Variants in ATRNL1 observed in about 807,000 individuals in gnomAD.
ATRNL1 encodes the protein attractin like 1.
Under a neutral mutation model 182.7 loss-of-function variants are expected in ATRNL1, and 95 were observed. The observed-to-expected ratio is 0.52, with a 90% CI of 0.44 to 0.62. The LOEUF is 0.62. Ranked by LOEUF, ATRNL1 falls within the 20% of genes least tolerant of loss-of-function variation. The probability of loss-of-function intolerance (pLI) is 0.00; values close to 1 mark genes in which losing one functional copy is unlikely to be tolerated. For synonymous variants in ATRNL1, 576 were observed against 568.3 expected, an observed-to-expected ratio of 1.01 and a Z score of -0.19; for missense variants, 1,471 against 1,679.5, an observed-to-expected ratio of 0.88 and a Z score of 2.17.
At chr10:115,232,372 A>G (rs183901543) in intron 9 of ATRNL1, among the ~76,000 whole-genome samples, 7 of 152,086 alleles carry the variant, frequency 4.6e-5, no homozygotes, top group Admixed American at 2.0e-4. Context: ...ACATCTTTTC[A>G]TATTTATTGG....
chr10:115,835,004 C>T (rs1319535206), intron 27 of ATRNL1, among the ~76,000 whole-genome samples: 1 of 152,148 alleles, frequency 6.6e-6, no homozygotes, highest in Non-Finnish European at 1.5e-5. Context: ...TTTTAGTTCA[C>T]CTTCCACTTC....
At chr10:115,565,644 A>G (rs745605798) in intron 26 of ATRNL1, among the ~76,000 whole-genome samples, 6 of 152,112 alleles carry the variant, frequency 3.9e-5, no homozygotes, top group Non-Finnish European at 8.8e-5. Context: ...CACACTCATC[A>G]ACTACTAATA....
At chr10:115,938,706 T>G (rs1349383967) in intron 28 of ATRNL1, among the ~76,000 whole-genome samples, 1 of 152,098 alleles carries the variant, frequency 6.6e-6, no homozygotes, top group Non-Finnish European at 1.5e-5. Flanking sequence ...TTGCAACACA[T>G]GAATGGAACT....
At chr10:115,532,861 A>G (rs546670721) in intron 25 of ATRNL1, among the ~76,000 whole-genome samples, 2 of 152,230 alleles carry the variant, frequency 1.3e-5, no homozygotes, top group South Asian at 2.1e-4. Flanking sequence ...TTCTGCATCT[A>G]TTGATATAAT....
chr10:115,108,445 A>T (rs1844117358), intron 1 of ATRNL1, among the ~76,000 whole-genome samples: 3 of 152,176 alleles, frequency 2.0e-5, no homozygotes, highest in Admixed American at 2.0e-4. Context: ...ATCGGAAAGG[A>T]CTGGCTGGTG....
chr10:115,613,212 C>T (rs1857254152), intron 26 of ATRNL1, among the ~76,000 whole-genome samples: 1 of 152,188 alleles, frequency 6.6e-6, no homozygotes. Context: ...AGGAGTCTTG[C>T]TGTTGCAGAT....
intron 10 of ATRNL1, among the ~76,000 whole-genome samples, chr10:115,246,999 A>T (rs113838526): frequency 1.3e-5 from 2 of 152,174 alleles, no homozygotes; most frequent in Non-Finnish European, 2.9e-5. Context: ...GTTGACATTC[A>T]TTTGCAGCAG....
intron 5 of ATRNL1, among the ~76,000 whole-genome samples, chr10:115,158,492 G>A (rs898097407): frequency 6.6e-6 from 1 of 151,972 alleles, no homozygotes; most frequent in East Asian, 1.9e-4. Flanking sequence ...ATAGTTCACA[G>A]TCTTTTCTCA....
chr10:115,262,038 C>T (rs1243190087), intron 10 of ATRNL1, among the ~76,000 whole-genome samples: 1 of 152,016 alleles, frequency 6.6e-6, no homozygotes, highest in Non-Finnish European at 1.5e-5. Context: ...AAACTGGGAA[C>T]TAGGCATGCT....
At chr10:115,658,048 A>C (rs1555036500) in intron 26 of ATRNL1, among the ~76,000 whole-genome samples, 1 of 145,796 alleles carries the variant, frequency 6.9e-6, no homozygotes, top group Non-Finnish European at 1.5e-5. Context: ...ATTACTCATC[A>C]TATTGTATAA....
chr10:115,451,440 A>G (rs679513), intron 21 of ATRNL1, among the ~76,000 whole-genome samples: 13,814 of 152,226 alleles, frequency 0.091, 2,097 homozygotes, highest in African/African-American at 0.31. Context: ...CCTCATTAAA[A>G]AGTGGGCAAA....
At chr10:115,568,865 A>G (rs1214579612) in intron 26 of ATRNL1, among the ~76,000 whole-genome samples, 6 of 152,094 alleles carry the variant, frequency 3.9e-5, no homozygotes, top group Non-Finnish European at 7.4e-5. Context: ...TTTATTATCT[A>G]TCCTTCCAGG....
At chr10:115,107,474 C>A (rs1392786425) in intron 1 of ATRNL1, among the ~76,000 whole-genome samples, 3 of 152,208 alleles carry the variant, frequency 2.0e-5, no homozygotes, top group Non-Finnish European at 4.4e-5. Flanking sequence ...CCCAAGACCT[C>A]AGGCAGCCCA....
chr10:115,559,444 G>GTGCA (rs1554998463), intron 26 of ATRNL1, among the ~76,000 whole-genome samples: 1 of 62,790 alleles, frequency 1.6e-5, no homozygotes, highest in African/African-American at 5.1e-5. Flanking sequence ...GTGTGTGTGT[G>GTGCA]CGCGCGCGCA....
In ATRNL1 at chr10:115,394,726, A is replaced by G; in HGVS notation, c.3243A>G (p.Lys1081=). Residue 1081 remains lysine (K), a synonymous_variant, in exon 20 of 29, where the codon AAA becomes AAG. Transcript: ENST00000355044. The part of the protein sequence containing the change: ...LHTGKCFCTT[K]GIKGDQCQLC... ...CAGGAAAATGTTTCTGCACAACTAA[A>G]GGAATAAAAGGTGACCAATGCCAAT... The G allele has an allele frequency of 6.2e-7, 1 of 1,606,800 alleles. No individual in the cohort carries two copies. The highest frequency in any genetic ancestry group is 2.2e-5 in the East Asian group (1 of 44,642).
At chr10:115,649,413 G>C (rs1443907368) in intron 26 of ATRNL1, among the ~76,000 whole-genome samples, 1 of 152,114 alleles carries the variant, frequency 6.6e-6, no homozygotes, top group Non-Finnish European at 1.5e-5. Context: ...TATTGCTAGA[G>C]GTTTCCAGCT....
At chr10:115,517,152 G>T (rs1231171188) in intron 24 of ATRNL1, among the ~76,000 whole-genome samples, 1 of 151,884 alleles carries the variant, frequency 6.6e-6, no homozygotes, top group Non-Finnish European at 1.5e-5. Context: ...AGATATGCAT[G>T]TTAATAATTT....
intron 3 of ATRNL1, among the ~76,000 whole-genome samples, chr10:115,127,362 A>G (rs1845017207): frequency 6.6e-6 from 1 of 152,188 alleles, no homozygotes; most frequent in Non-Finnish European, 1.5e-5. Context: ...TGATAAGAAA[A>G]AAAATGGGGT....
intron 27 of ATRNL1, among the ~76,000 whole-genome samples, chr10:115,774,199 G>A (rs1949063146): frequency 1.3e-5 from 2 of 151,926 alleles, no homozygotes; most frequent in South Asian, 2.1e-4. Flanking sequence ...AGGCCGAGGC[G>A]GGCAGATCAC....
Sources: allele counts gnomAD v4.1 joint callset (sites outside exome capture counted in the v4.1 genomes callset), GRCh38; gene constraint gnomAD v4.1.1; transcripts MANE v1.5; gene names NCBI Gene and HGNC (gene_info 2026-07-23, HGNC 2026-07-21).